ADGB: variants seen among roughly 807,000 people sequenced by gnomAD.
ADGB encodes calpain-7-like protein.
In ADGB, 172 loss-of-function variants were observed where a neutral mutation model predicts 210.5. The observed-to-expected ratio is 0.82, with a 90% CI of 0.72 to 0.93. The LOEUF is 0.93. Ranked by LOEUF, ADGB falls within the 40% of genes least tolerant of loss-of-function variation. The pLI, the probability that ADGB is intolerant of heterozygous loss-of-function variation, is 0.00. For synonymous variants in ADGB, 658 were observed against 662.7 expected, an observed-to-expected ratio of 0.99 and a Z score of 0.11; for missense variants, 2,025 against 1,964.8, an observed-to-expected ratio of 1.03 and a Z score of -0.58.
At position 146,638,059 on chromosome 6, in the gene ADGB, C is replaced by T. The variant is rs1357817113; in HGVS notation, c.237+2522C>T. Among the ~76,000 whole-genome samples the T allele has an allele frequency of 3.9e-5, 6 of 152,002 alleles. No individual in the cohort carries two copies. The East Asian group carries it at 7.7e-4, about 20-fold the overall frequency. The stretch of plus-strand genomic sequence containing the variant: ...CCACCATGATCAAGTAGGCTTCACT[C>T]GCAGGATGCAAGTTTGGTTCAACAG... On this transcript the variant is annotated intron_variant, in intron 2 of 35. Transcript: ENST00000397944.
intron 1 of ADGB, among the ~76,000 whole-genome samples, chr6:146,601,832 A>G (rs1403128483): frequency 6.6e-6 from 1 of 152,176 alleles, no homozygotes; most frequent in Non-Finnish European, 1.5e-5. Flanking sequence ...TCATATGTCA[A>G]CTAGCACATA....
chr6:146,667,836 T>G (rs1213907497), intron 7 of ADGB, among the ~76,000 whole-genome samples: 1 of 151,976 alleles, frequency 6.6e-6, no homozygotes, highest in African/African-American at 2.4e-5. Context: ...CCTGAAAGGA[T>G]AGTCTTATTT....
At chr6:146,740,270 C>T (rs1777145306) in intron 23 of ADGB, among the ~76,000 whole-genome samples, 189 bp from the exon 24 acceptor site, 1 of 152,140 alleles carries the variant, frequency 6.6e-6, no homozygotes, top group Non-Finnish European at 1.5e-5. Context: ...TGTGATTAAC[C>T]TAGAATGGGT....
chr6:146,661,562 CTT>C (rs1385200582), intron 5 of ADGB, among the ~76,000 whole-genome samples: 4 of 151,940 alleles, frequency 2.6e-5, no homozygotes, highest in Non-Finnish European at 4.4e-5. Flanking sequence ...ATATTGAAAA[CTT>C]CATCATAAAT....
chr6:146,633,133 GC>G (rs1339641954), intron 1 of ADGB, among the ~76,000 whole-genome samples: 1 of 151,956 alleles, frequency 6.6e-6, no homozygotes, highest in Middle Eastern at 3.2e-3. Flanking sequence ...GCTGCTTTAT[GC>G]CCCCTGCCTC....
intron 26 of ADGB, among the ~76,000 whole-genome samples, chr6:146,748,613 AT>A: frequency 6.6e-6 from 1 of 152,114 alleles, no homozygotes; most frequent in East Asian, 1.9e-4. Context: ...TTTAGAGACA[AT>A]CTCACTTTGT....
At chr6:146,778,858 G>A (rs1383178112) in intron 29 of ADGB, among the ~76,000 whole-genome samples, 1 of 152,116 alleles carries the variant, frequency 6.6e-6, no homozygotes, top group Admixed American at 6.5e-5. Context: ...GGCAGGGTAA[G>A]AACTCTAAAA....
At chr6:146,604,145 C>T (rs143225068) in intron 1 of ADGB, among the ~76,000 whole-genome samples, 46 of 152,238 alleles carry the variant, frequency 3.0e-4, no homozygotes, top group Middle Eastern at 3.4e-3. Flanking sequence ...TTTAAAAGGT[C>T]GGTTGGAGCA....
At chr6:146,779,784 A>G (rs1417362988) in intron 29 of ADGB, among the ~76,000 whole-genome samples, 2 of 151,830 alleles carry the variant, frequency 1.3e-5, no homozygotes, top group Non-Finnish European at 2.9e-5. Flanking sequence ...TTTTCAATTT[A>G]TTTTGAAAAC....
At chr6:146,627,381 T>C (rs1044192090) in intron 1 of ADGB, among the ~76,000 whole-genome samples, 6 of 152,132 alleles carry the variant, frequency 3.9e-5, no homozygotes, top group Non-Finnish European at 8.8e-5. Context: ...CTGGATATTT[T>C]TGTAGCCCTA....
At chr6:146,633,744 G>A (rs1332481427) in intron 1 of ADGB, among the ~76,000 whole-genome samples, 1 of 152,014 alleles carries the variant, frequency 6.6e-6, no homozygotes, top group Non-Finnish European at 1.5e-5. Context: ...CCCCTGTACT[G>A]TGTTATATTT....
rs577693873 is a variant in ADGB at position 146,726,489 on chromosome 6, C to G, written c.2352+292C>G. On this transcript the variant is annotated intron_variant, in intron 19 of 35. Transcript: ENST00000397944. ...CTGCCCACCTCAGCCTCCCAAAGTGCTGGGATCACAGGCATGAGCCACCGC... is the reference window on the plus strand; with the variant it reads ...CTGCCCACCTCAGCCTCCCAAAGTGGTGGGATCACAGGCATGAGCCACCGC... Among the ~76,000 whole-genome samples, 8 of 152,304 alleles carry G rather than the reference C, an allele frequency of 5.3e-5. No individual in the cohort carries two copies. The South Asian group carries it at 1.7e-3, about 32-fold the overall frequency.
chr6:146,610,577 A>G (rs1233138206), intron 1 of ADGB, among the ~76,000 whole-genome samples: 2 of 152,238 alleles, frequency 1.3e-5, no homozygotes, highest in South Asian at 2.1e-4. Flanking sequence ...AATTTAGTCA[A>G]CTGGCTTCAT....
At chr6:146,679,299 G>T (rs544766860) in intron 9 of ADGB, among the ~76,000 whole-genome samples, 2 of 152,052 alleles carry the variant, frequency 1.3e-5, no homozygotes, top group South Asian at 4.2e-4. Flanking sequence ...TGTTCAATAC[G>T]TACCAAGAGT....
At chr6:146,677,668 T>C (rs6907896) in intron 9 of ADGB, among the ~76,000 whole-genome samples, 42,438 of 152,058 alleles carry the variant, frequency 0.28, 6,838 homozygotes, top group African/African-American at 0.45. Context: ...ATAAAAGTAA[T>C]GATGCCTTCC....
intron 1 of ADGB, among the ~76,000 whole-genome samples, chr6:146,628,446 G>A (rs1051654515): frequency 6.6e-6 from 1 of 151,918 alleles, no homozygotes; most frequent in Non-Finnish European, 1.5e-5. Flanking sequence ...AGAATAAAAT[G>A]TTTATCTCTA....
chr6:146,807,836 TCTAAA>T (rs1385546085), intron 35 of ADGB: 2 of 247,312 alleles, frequency 8.1e-6, no homozygotes, highest in Non-Finnish European at 1.5e-5. Context: ...TGTTTGACAC[TCTAAA>T]CTGCCTGCAT....
intron 35 of ADGB, among the ~76,000 whole-genome samples, chr6:146,811,449 A>G (rs1778301343): frequency 6.6e-6 from 1 of 151,516 alleles, no homozygotes; most frequent in Non-Finnish European, 1.5e-5. Context: ...GTTTATATAT[A>G]TATATATTCA....
intron 13 of ADGB, among the ~76,000 whole-genome samples, chr6:146,703,918 A>G (rs1318268356): frequency 1.3e-5 from 2 of 151,132 alleles, no homozygotes; most frequent in Non-Finnish European, 3.0e-5. Context: ...GCACCATTCT[A>G]CCTTCTCACC....
Sources: allele counts gnomAD v4.1 joint callset (sites outside exome capture counted in the v4.1 genomes callset), GRCh38; gene constraint gnomAD v4.1.1; transcripts MANE v1.5; gene names NCBI Gene and HGNC (gene_info 2026-07-23, HGNC 2026-07-21).